The following TULP3 variants were observed in gnomAD, a reference collection of about 807,000 sequenced individuals.
TULP3 encodes tubby-related protein 3.
A neutral mutation model predicts 50.7 loss-of-function variants in TULP3; 38 were observed. That is an observed-to-expected ratio of 0.75 (90% CI 0.58 to 0.98). The LOEUF is 0.98. Ranked by LOEUF, TULP3 falls within the 50% of genes least tolerant of loss-of-function variation. The pLI is 0.00. For synonymous variants in TULP3, 183 were observed against 196.6 expected (o/e 0.93, Z 0.58); for missense variants, 550 against 568.0 (o/e 0.97, Z 0.32).
Position 2,911,887 on chromosome 12 carries a change from G to A in TULP3, c.93+2307G>A, listed in dbSNP as rs187492879. Among the ~76,000 whole-genome samples, 8 of 151,758 alleles carry A rather than the reference G, an allele frequency of 5.3e-5. No individual in the cohort carries two copies. The East Asian group carries it at 1.5e-3, about 29-fold the overall frequency. On this transcript the variant is annotated intron_variant, in intron 2 of 10. Coordinates refer to ENST00000448120, the MANE Select transcript of TULP3 (RefSeq NM_003324.5). ...ACCTGTAGTTCCAGCTGCCTGGGAGGCTGAGGAGGAAGGATCCCTTGACCT... is the reference window on the plus strand; with the variant it reads ...ACCTGTAGTTCCAGCTGCCTGGGAGACTGAGGAGGAAGGATCCCTTGACCT...
intron 7 of TULP3, among the ~76,000 whole-genome samples, 172 bp downstream of exon 7, chr12:2,933,702 G>A (rs2098199557): frequency 6.6e-6 from 1 of 151,898 alleles, no homozygotes; most frequent in African/African-American, 2.4e-5. Flanking sequence ...TGTAATCCCA[G>A]CACTTTGAGA....
rs760304465 is a variant in TULP3, at chr12:2,933,547, A to G, written c.809+17A>G. The G allele has an allele frequency of 6.7e-6, 10 of 1,490,122 alleles. No homozygotes were observed. The highest frequency in any genetic ancestry group is 9.4e-6 in the Non-Finnish European group (10 of 1,068,016). 92.3% of individuals were successfully genotyped at this position (1,490,122 alleles called of 1,614,324 possible). ...CAAGCTTAGGTGAAAGCAACCTTAG[A>G]TCACTGTCCTATTCTTTCTGATAGT... On this transcript the variant is annotated intron_variant, in intron 7 of 10. Coordinates refer to ENST00000448120, the MANE Select transcript of TULP3 (RefSeq NM_003324.5).
At chr12:2,920,650 A>G in intron 2 of TULP3, 113 bp from the exon 3 acceptor site, 1 of 1,333,516 alleles carries the variant, frequency 7.5e-7, no homozygotes, top group African/African-American at 1.5e-5. Flanking sequence ...ATGGGGAAAA[A>G]ATAATTTACA....
intron 4 of TULP3, among the ~76,000 whole-genome samples, chr12:2,924,978 C>A (rs1203752580): frequency 6.6e-6 from 1 of 152,162 alleles, no homozygotes; most frequent in Non-Finnish European, 1.5e-5. Context: ...GAGATCAAGA[C>A]CATCCTGGCT....
rs55818833 is a variant in TULP3 at position 2,899,345 on chromosome 12, C to CAAAAA, written c.41+8372_41+8376dup. Among the ~76,000 whole-genome samples, 234 of 82,338 alleles carry CAAAAA rather than the reference C, an allele frequency of 2.8e-3. 3 individuals carry two copies. Among genetic ancestry groups the CAAAAA allele is most frequent in the Middle Eastern group, 0.013 (2 of 156 alleles). 54.0% of individuals were successfully genotyped at this position (82,338 alleles called of 152,430 possible). A position where few individuals can be genotyped will look rare whatever the true frequency, so the allele number is the denominator to read the frequency against. ...GGGCAACAAGAGCGAAACGACGTCT[C>CAAAAA]AAAAAAAAAAAAAAAAAAACAGCGA... On this transcript the variant is annotated intron_variant, in intron 1 of 10. Coordinates refer to ENST00000448120, the MANE Select transcript of TULP3 (RefSeq NM_003324.5).
chr12:2,907,059 C>A (rs1016866298), intron 1 of TULP3, among the ~76,000 whole-genome samples: 1 of 151,532 alleles, frequency 6.6e-6, no homozygotes, highest in African/African-American at 2.4e-5. Context: ...GATACACGGC[C>A]AGGTGCAGTG....
chr12:2,909,981 T>C (rs562003267), intron 2 of TULP3, among the ~76,000 whole-genome samples: 2 of 152,320 alleles, frequency 1.3e-5, no homozygotes, highest in African/African-American at 2.4e-5. Flanking sequence ...CCGAGCTTGC[T>C]GCCGTGCTGC....
chr12:2,898,399 A>C (rs964826090), intron 1 of TULP3, among the ~76,000 whole-genome samples: 1 of 152,062 alleles, frequency 6.6e-6, no homozygotes, highest in Non-Finnish European at 1.5e-5. Context: ...TGCTGGACTT[A>C]AGCCATCTTC....
chr12:2,896,752 A>G (rs2098175781), intron 1 of TULP3, among the ~76,000 whole-genome samples: 1 of 152,208 alleles, frequency 6.6e-6, no homozygotes, highest in Admixed American at 6.5e-5. Flanking sequence ...TGAAACTCAT[A>G]TGAAAGGAGT....
chr12:2,910,074 C>T (rs907582966), intron 2 of TULP3, among the ~76,000 whole-genome samples: 3 of 152,242 alleles, frequency 2.0e-5, no homozygotes, highest in Admixed American at 6.5e-5. Context: ...AGGCAGATCA[C>T]GAGGTCAGGA....
At chr12:2,929,660 G>C (rs751248665) in intron 4 of TULP3, among the ~76,000 whole-genome samples, 2 of 151,604 alleles carry the variant, frequency 1.3e-5, no homozygotes, top group Admixed American at 6.6e-5. Context: ...GCACAGTCTC[G>C]GCTCGCTGCA....
At chr12:2,896,273 G>A (rs1318036515) in intron 1 of TULP3, among the ~76,000 whole-genome samples, 1 of 152,222 alleles carries the variant, frequency 6.6e-6, no homozygotes, top group African/African-American at 2.4e-5. Flanking sequence ...GGGGACCCCT[G>A]TTGTATATGC....
At chr12:2,933,288 A>G in intron 6 of TULP3, 130 bp from the exon 7 acceptor site, 2 of 619,892 alleles carry the variant, frequency 3.2e-6, no homozygotes, top group South Asian at 3.9e-5. Flanking sequence ...TAAAGGCCCA[A>G]AGATTAACAG....
chr12:2,934,969 T>C (rs1157394227), intron 8 of TULP3, among the ~76,000 whole-genome samples: 4 of 152,172 alleles, frequency 2.6e-5, no homozygotes, highest in African/African-American at 9.7e-5. Context: ...TCTTTTTAAA[T>C]TGTATCTTAT....
intron 1 of TULP3, among the ~76,000 whole-genome samples, chr12:2,898,598 G>A (rs375988165): frequency 1.3e-5 from 2 of 152,170 alleles, no homozygotes; most frequent in East Asian, 1.9e-4. Context: ...GTAAGTGAAT[G>A]AATGTGTCTA....
chr12:2,928,651 T>C (rs1010715182), intron 4 of TULP3, among the ~76,000 whole-genome samples: 10 of 151,936 alleles, frequency 6.6e-5, no homozygotes, highest in African/African-American at 2.4e-4. Flanking sequence ...ACATAGAAGT[T>C]ACCAGTGTTG....
intron 1 of TULP3, among the ~76,000 whole-genome samples, chr12:2,899,511 T>C (rs966849988): frequency 1.3e-5 from 2 of 152,158 alleles, no homozygotes; most frequent in Non-Finnish European, 2.9e-5. Flanking sequence ...GTGAATATTA[T>C]TTAAGAGAGC....
chr12:2,894,249 C>T (rs956321889), intron 1 of TULP3, among the ~76,000 whole-genome samples: 2 of 138,240 alleles, frequency 1.4e-5, no homozygotes, highest in African/African-American at 5.5e-5. Flanking sequence ...CATGGTGGCT[C>T]ACACTTGTAA....
chr12:2,902,621 G>C (rs959691688), intron 1 of TULP3, among the ~76,000 whole-genome samples: 1 of 152,188 alleles, frequency 6.6e-6, no homozygotes, highest in Admixed American at 6.5e-5. Flanking sequence ...CAGGAACATT[G>C]AGAGTCCCGA....
Sources: allele counts gnomAD v4.1 joint callset (sites outside exome capture counted in the v4.1 genomes callset), GRCh38; gene constraint gnomAD v4.1.1; transcripts MANE v1.5; gene names NCBI Gene and HGNC (gene_info 2026-07-23, HGNC 2026-07-21).